EML6: variants seen among roughly 807,000 people sequenced by gnomAD.
The protein encoded by EML6 is EMAP like 6.
A neutral mutation model predicts 240.1 loss-of-function variants in EML6; 154 were observed. That is an observed-to-expected ratio of 0.64 (90% CI 0.56 to 0.73). The LOEUF (loss-of-function observed/expected upper bound fraction) is 0.73, where lower values mean the gene tolerates loss of function less well. EML6 is among the 30% of genes least tolerant of loss of function. EML6 has a pLI of 0.00. For synonymous variants in EML6, 1,148 were observed against 899.0 expected (o/e 1.28, Z -4.95); for missense variants, 2,964 against 2,474.6 (o/e 1.20, Z -4.20).
intron 24 of EML6, among the ~76,000 whole-genome samples, chr2:54,907,960 G>C (rs1329656247): frequency 1.3e-5 from 1 of 75,136 alleles, no homozygotes; most frequent in South Asian, 3.7e-4. Flanking sequence ...TAGATAGATA[G>C]ATAGATAGAT....
chr2:54,949,064 A>T (rs1675833359), intron 29 of EML6, 104 bp downstream of exon 29: 2 of 856,650 alleles, frequency 2.3e-6, no homozygotes, highest in Admixed American at 2.0e-5. Flanking sequence ...GAAACGGAGT[A>T]GGTCCCTTGG....
chr2:54,896,909 A>C (rs1372063484), intron 21 of EML6, among the ~76,000 whole-genome samples: 1 of 152,220 alleles, frequency 6.6e-6, no homozygotes. Flanking sequence ...GTTAAAAACA[A>C]ACCTCGAAAG....
At chr2:54,939,929 A>C (rs773879664) in intron 28 of EML6, among the ~76,000 whole-genome samples, 2 of 152,238 alleles carry the variant, frequency 1.3e-5, no homozygotes, top group Non-Finnish European at 2.9e-5. Context: ...AAACACGAGG[A>C]GGCGGTGCCA....
intron 25 of EML6, 84 bp downstream of exon 25, chr2:54,911,126 C>A: frequency 1.5e-6 from 1 of 684,302 alleles, no homozygotes; most frequent in Non-Finnish European, 2.5e-6. Context: ...ACGTTAACCA[C>A]TAATATGGGT....
chr2:54,946,481 G>T (rs1675699232), intron 28 of EML6, among the ~76,000 whole-genome samples: 1 of 152,208 alleles, frequency 6.6e-6, no homozygotes, highest in South Asian at 2.1e-4. Flanking sequence ...TCCCATTTCT[G>T]ATGGAATCTG....
At chr2:54,946,506 T>C (rs1017222971) in intron 28 of EML6, among the ~76,000 whole-genome samples, 23 of 152,358 alleles carry the variant, frequency 1.5e-4, no homozygotes, top group African/African-American at 5.5e-4. Context: ...TAGAAGGATT[T>C]AGATCCACGG....
chr2:54,897,706 T>TC (rs1362381635), intron 21 of EML6, among the ~76,000 whole-genome samples: 1 of 143,220 alleles, frequency 7.0e-6, no homozygotes, highest in East Asian at 2.0e-4. Context: ...TTTTTTTTTT[T>TC]CAGCATCTTT....
At chr2:54,963,880 A>C in intron 36 of EML6, 106 bp from the exon 37 acceptor site, 1 of 950,612 alleles carries the variant, frequency 1.1e-6, no homozygotes, top group Non-Finnish European at 1.5e-6. Flanking sequence ...GGTGGCCTGC[A>C]GTGGCTGCGA....
rs144771133 is a variant in EML6 at position 54,925,857 on chromosome 2, T to C, written c.3676-2456T>C. Among the ~76,000 whole-genome samples, 6 of 152,300 alleles carry C rather than the reference T, an allele frequency of 3.9e-5. No individual in the cohort carries two copies. The East Asian group carries it at 5.8e-4, about 15-fold the overall frequency. ...TCCGAACCTAGACCCTTTTGCTAAA[T>C]GGAGAGGCTAAAATACCACTGTGTC... On this transcript the variant is annotated intron_variant, in intron 26 of 41. Transcript: ENST00000356458.
chr2:54,942,845 A>G (rs1675496472), intron 28 of EML6, among the ~76,000 whole-genome samples: 1 of 152,110 alleles, frequency 6.6e-6, no homozygotes, highest in African/African-American at 2.4e-5. Context: ...CAAGACAAAT[A>G]AGTGCCTAGA....
chr2:54,829,610 A>G (rs547352296), intron 7 of EML6, 133 bp downstream of exon 7: 7 of 626,108 alleles, frequency 1.1e-5, no homozygotes, highest in African/African-American at 1.1e-4. Flanking sequence ...AAGCAAAAGT[A>G]TGTTAAAAGT....
At chr2:54,912,403 T>G (rs141495882) in intron 25 of EML6, among the ~76,000 whole-genome samples, 1 of 152,308 alleles carries the variant, frequency 6.6e-6, no homozygotes, top group East Asian at 1.9e-4. Context: ...CACCTTTATT[T>G]TTAATTTTAA....
intron 7 of EML6, among the ~76,000 whole-genome samples, chr2:54,832,578 A>G (rs184653764): frequency 1.3e-3 from 196 of 152,356 alleles, no homozygotes; most frequent in African/African-American, 4.4e-3. Flanking sequence ...ATCAAGATGT[A>G]AATAGCTTTC....
intron 12 of EML6, among the ~76,000 whole-genome samples, chr2:54,862,668 C>T (rs912368268): frequency 3.3e-5 from 5 of 151,978 alleles, no homozygotes; most frequent in East Asian, 3.9e-4. Context: ...ATCTAGGAAG[C>T]GCAAAGGACA....
chr2:54,805,723 T>C (rs191682837), intron 2 of EML6, among the ~76,000 whole-genome samples: 1 of 152,314 alleles, frequency 6.6e-6, no homozygotes, highest in East Asian at 1.9e-4. Context: ...CATGCTTGTT[T>C]GTTCTCTAAG....
At chr2:54,820,192 C>A (rs1414969471) in intron 4 of EML6, among the ~76,000 whole-genome samples, 1 of 152,168 alleles carries the variant, frequency 6.6e-6, no homozygotes, top group Non-Finnish European at 1.5e-5. Context: ...TCTCTCTACT[C>A]AGGCCTTAAG....
At chr2:54,757,125 G>A (rs972306207) in intron 2 of EML6, among the ~76,000 whole-genome samples, 1 of 149,650 alleles carries the variant, frequency 6.7e-6, no homozygotes, top group Non-Finnish European at 1.5e-5. Context: ...TCTTTTTTCT[G>A]AGTATATTAA....
At position 54,966,984 on chromosome 2, in the gene EML6, T is replaced by A. The variant is rs1367798631; in HGVS notation, c.5494-16T>A. 1 of 1,515,790 alleles carries A rather than the reference T, an allele frequency of 6.6e-7. No individual in the cohort carries two copies. The highest frequency in any genetic ancestry group is 9.0e-7 in the Non-Finnish European group (1 of 1,115,550). 93.9% of individuals were successfully genotyped at this position (1,515,790 alleles called of 1,614,324 possible). ...AGAAAGAACGTTGATGAACATGGCT[T>A]CCCTTCTACCTACAGGTGTCAACAG... On this transcript the variant is annotated splice_polypyrimidine_tract_variant and intron_variant, in intron 38 of 41. Coordinates refer to ENST00000356458, the MANE Select transcript of EML6 (RefSeq NM_001039753.4).
intron 7 of EML6, among the ~76,000 whole-genome samples, chr2:54,830,486 C>A (rs982355901): frequency 1.3e-5 from 2 of 152,178 alleles, no homozygotes; most frequent in African/African-American, 4.8e-5. Context: ...TGACATAGGG[C>A]TCAAAGTCCT....
Sources: gnomAD v4.1 joint callset for allele counts (sites outside exome capture counted in the v4.1 genomes callset) on GRCh38, gnomAD v4.1.1 for gene constraint, MANE v1.5 for transcripts, NCBI Gene and HGNC (gene_info 2026-07-23, HGNC 2026-07-21) for gene names.